Variants in MAP4K4 observed in about 807,000 individuals in gnomAD.
The protein encoded by MAP4K4 is mitogen-activated protein kinase kinase kinase kinase 4.
MAP4K4 carries 38 observed loss-of-function variants against 189.6 expected under a neutral mutation model. The ratio of observed to expected loss-of-function variants is 0.20; its 90% confidence interval spans 0.15 to 0.26. The LOEUF is 0.26. Among genes scored for constraint, MAP4K4 ranks in the 10% least tolerant of loss-of-function variants. The probability of loss-of-function intolerance (pLI) is 1.00; values close to 1 mark genes in which losing one functional copy is unlikely to be tolerated. For synonymous variants in MAP4K4, 610 were observed against 624.3 expected (o/e 0.98, Z 0.34); for missense variants, 1,054 against 1,726.9 (o/e 0.61, Z 6.91).
At chr2:101,729,101 A>AGAGAGAGTGTGTGTGTGTGTGTGT (rs149283961) in intron 2 of MAP4K4, among the ~76,000 whole-genome samples, 1 of 130,504 alleles carries the variant, frequency 7.7e-6, no homozygotes, top group African/African-American at 3.1e-5. Context: ...AGAGAGAGAG[A>AGAGAGAGTGTGTGTGTGTGTGTGT]GTGTGTGTGT....
At position 101,701,616 on chromosome 2, in the gene MAP4K4, A is replaced by G. The variant is rs554006719; in HGVS notation, c.123+3078A>G. ...AAATGGTCTGGTATAGTTGAACAGT[A>G]TGTAACTTCATCTTAAAAGAAGGAG... On this transcript the variant is annotated intron_variant, in intron 2 of 32. Transcript: ENST00000324219. 2.7e-3 allele frequency among the ~76,000 whole-genome samples: 409 copies of G among 152,308 alleles called. 1 individual carries two copies. The highest frequency in any genetic ancestry group is 9.4e-3 in the African/African-American group (389 of 41,566).
intron 24 of MAP4K4, among the ~76,000 whole-genome samples, chr2:101,873,200 A>G (rs2098103019): frequency 6.6e-6 from 1 of 152,264 alleles, no homozygotes; most frequent in Non-Finnish European, 1.5e-5. Context: ...GGCTCAATTT[A>G]AAATAACTAC....
chr2:101,739,516 T>C (rs144480492), intron 2 of MAP4K4, among the ~76,000 whole-genome samples: 375 of 152,348 alleles, frequency 2.5e-3, no homozygotes, highest in African/African-American at 8.7e-3. Flanking sequence ...TGGTTGTAAT[T>C]TAAGTTCTCT....
intron 21 of MAP4K4, 21 bp downstream of exon 21, chr2:101,868,058 G>A: frequency 6.2e-7 from 1 of 1,610,854 alleles, no homozygotes; most frequent in South Asian, 1.1e-5. Context: ...TCTCTGAAAA[G>A]TTCCACTTCA....
intron 2 of MAP4K4, among the ~76,000 whole-genome samples, chr2:101,754,202 C>T (rs953927163): frequency 5.3e-5 from 8 of 152,288 alleles, no homozygotes; most frequent in Middle Eastern, 3.4e-3. Context: ...CAGGTCATCT[C>T]TTACTAGTCA....
chr2:101,845,624 C>T (rs2097081649), intron 12 of MAP4K4, among the ~76,000 whole-genome samples: 1 of 152,098 alleles, frequency 6.6e-6, no homozygotes, highest in Non-Finnish European at 1.5e-5. Flanking sequence ...TATATGTAAA[C>T]ATAGAAAAAG....
intron 2 of MAP4K4, among the ~76,000 whole-genome samples, chr2:101,721,502 C>T (rs555910916): frequency 4.1e-5 from 6 of 147,418 alleles, no homozygotes; most frequent in South Asian, 4.3e-4. Flanking sequence ...GTGGCGCGAT[C>T]TCGGCTCACT....
chr2:101,892,660 G>A (rs2098586465), exon 33 of MAP4K4: 1 of 322,494 alleles, frequency 3.1e-6, no homozygotes, highest in Non-Finnish European at 6.1e-6. Flanking sequence ...TATTCATAAA[G>A]TGGGCATCTT....
chr2:101,797,324 T>C, intron 3 of MAP4K4: 1 of 1,290,852 alleles, frequency 7.7e-7, no homozygotes. Flanking sequence ...GGTGGCACTT[T>C]CTCCCTGTGC....
At chr2:101,869,560 C>G (rs1283841655) in intron 21 of MAP4K4, 62 bp from the exon 22 acceptor site, 1 of 1,336,678 alleles carries the variant, frequency 7.5e-7, no homozygotes, top group Non-Finnish European at 1.1e-6. Context: ...TAAAGAACTT[C>G]TCATCTTCTC....
At chr2:101,718,146 C>T (rs1013644439) in intron 2 of MAP4K4, among the ~76,000 whole-genome samples, 1 of 151,634 alleles carries the variant, frequency 6.6e-6, no homozygotes, top group African/African-American at 2.4e-5. Context: ...ATCCCAGCTA[C>T]TAGGGAGGCT....
chr2:101,796,527 C>T (rs1319962082), intron 3 of MAP4K4, among the ~76,000 whole-genome samples: 1 of 152,210 alleles, frequency 6.6e-6, no homozygotes, highest in African/African-American at 2.4e-5. Context: ...TCCCTACTTA[C>T]TGTACTTGTG....
At chr2:101,876,356 CTG>C (rs767341316) in intron 26 of MAP4K4, among the ~76,000 whole-genome samples, 1 of 152,112 alleles carries the variant, frequency 6.6e-6, no homozygotes, top group Non-Finnish European at 1.5e-5. Flanking sequence ...AGTGTGGAGA[CTG>C]TGACGGTACA....
chr2:101,765,418 C>T (rs1294888110), intron 2 of MAP4K4, among the ~76,000 whole-genome samples: 2 of 152,204 alleles, frequency 1.3e-5, no homozygotes, highest in East Asian at 3.9e-4. Context: ...CAGCCACCAT[C>T]TCCCGGGCTC....
intron 3 of MAP4K4, among the ~76,000 whole-genome samples, chr2:101,801,030 GT>G (rs10713279): frequency 0.84 from 127,551 of 152,054 alleles, 53,957 homozygotes; most frequent in African/African-American, 0.96. Context: ...CTAAATTGCT[GT>G]TTTTTTTAAA....
chr2:101,858,668 C>T (rs2149814464), intron 13 of MAP4K4, among the ~76,000 whole-genome samples: 1 of 152,264 alleles, frequency 6.6e-6, no homozygotes, highest in South Asian at 2.1e-4. Context: ...ATCTTGATTT[C>T]TCTGGGGTTT....
At chr2:101,808,267 CAG>C (rs533596301) in intron 3 of MAP4K4, among the ~76,000 whole-genome samples, 48 of 152,292 alleles carry the variant, frequency 3.2e-4, no homozygotes, top group African/African-American at 1.1e-3. Flanking sequence ...GGGCCCTACA[CAG>C]AGGAATTGCT....
chr2:101,723,449 TA>T (rs1293832150), intron 2 of MAP4K4, among the ~76,000 whole-genome samples: 12 of 152,328 alleles, frequency 7.9e-5, no homozygotes, highest in African/African-American at 2.9e-4. Flanking sequence ...AGACGGTAGA[TA>T]AAGTAGGTTC....
intron 17 of MAP4K4, 119 bp from the exon 18 acceptor site, chr2:101,864,811 G>C: frequency 1.5e-6 from 1 of 663,862 alleles, no homozygotes; most frequent in Non-Finnish European, 2.7e-6. Flanking sequence ...GGGAGTGGAG[G>C]TGATAGGAAG....
Sources: allele counts gnomAD v4.1 joint callset (sites outside exome capture counted in the v4.1 genomes callset), GRCh38; gene constraint gnomAD v4.1.1; transcripts MANE v1.5; gene names NCBI Gene and HGNC (gene_info 2026-07-23, HGNC 2026-07-21).